Variants in ATP13A4 observed in about 807,000 individuals in gnomAD.
The protein encoded by ATP13A4 is probable cation-transporting ATPase 13A4.
Under a neutral mutation model 142.5 loss-of-function variants are expected in ATP13A4, and 114 were observed. The observed-to-expected ratio is 0.80, with a 90% CI of 0.69 to 0.93. The LOEUF (loss-of-function observed/expected upper bound fraction) is 0.93, where lower values mean the gene tolerates loss of function less well. Among genes scored for constraint, ATP13A4 ranks in the 40% least tolerant of loss-of-function variants. ATP13A4 has a pLI of 0.00. For synonymous variants in ATP13A4, 488 were observed against 514.8 expected (o/e 0.95, Z 0.70); for missense variants, 1,392 against 1,454.0 (o/e 0.96, Z 0.69).
chr3:193,439,107 T>C, intron 21 of ATP13A4, 42 bp from the exon 22 acceptor site: 1 of 1,536,474 alleles, frequency 6.5e-7, no homozygotes, highest in Non-Finnish European at 9.0e-7. Context: ...ATCAAACCTA[T>C]CTTGCTAATT....
chr3:193,445,576 G>T (rs1366274033), intron 18 of ATP13A4, among the ~76,000 whole-genome samples: 1 of 151,976 alleles, frequency 6.6e-6, no homozygotes, highest in Non-Finnish European at 1.5e-5. Context: ...GGCCAACATG[G>T]TGAAACCCTA....
chr3:193,465,941 T>G lies in ATP13A4; in HGVS notation c.1272+84A>C, dbSNP rs139404651. 72 of 1,559,388 alleles carry G rather than the reference T, an allele frequency of 4.6e-5. No individual in the cohort carries two copies. The African/African-American group carries it at 9.2e-4, about 20-fold the overall frequency. ...TTGTTTCCCAGGTTTGTAAACCACA[T>G]CCTAGGTTAAGGCCAACATGCACAG... On this transcript the variant is annotated intron_variant, in intron 11 of 29. Transcript: ENST00000342695.
chr3:193,495,675 A>G (rs1247988920), intron 3 of ATP13A4, among the ~76,000 whole-genome samples: 1 of 152,180 alleles, frequency 6.6e-6, no homozygotes, highest in Non-Finnish European at 1.5e-5. Context: ...AGAACAAGAC[A>G]GGAATGCCTG....
intron 8 of ATP13A4, among the ~76,000 whole-genome samples, chr3:193,474,335 A>C (rs1577000798): frequency 6.7e-6 from 1 of 148,300 alleles, no homozygotes; most frequent in South Asian, 2.1e-4. Context: ...AAAAAAAAAA[A>C]AAAAAAAAAA....
At chr3:193,592,083 T>C (rs914777398) in intron 1 of ATP13A4, among the ~76,000 whole-genome samples, 6 of 141,334 alleles carry the variant, frequency 4.2e-5, no homozygotes, top group Non-Finnish European at 6.1e-5. Context: ...ATTCTGACAA[T>C]TAAGGGAAAA....
At chr3:193,433,554 T>C (rs767384834) in intron 25 of ATP13A4, among the ~76,000 whole-genome samples, 7 of 152,198 alleles carry the variant, frequency 4.6e-5, no homozygotes, top group Non-Finnish European at 1.0e-4. Flanking sequence ...AAGTTAGTGT[T>C]CCTGATTTTC....
intron 25 of ATP13A4, among the ~76,000 whole-genome samples, chr3:193,430,789 A>G (rs141145205): frequency 1.5e-4 from 23 of 152,230 alleles, no homozygotes; most frequent in Admixed American, 4.6e-4. Context: ...GCCCAATCAT[A>G]TAAGACTTGA....
intron 29 of ATP13A4, among the ~76,000 whole-genome samples, chr3:193,404,522 T>C (rs1190981152): frequency 2.0e-5 from 3 of 152,214 alleles, no homozygotes; most frequent in Non-Finnish European, 4.4e-5. Flanking sequence ...GGGAGGTGAC[T>C]GGGTCGTAGG....
intron 2 of ATP13A4, among the ~76,000 whole-genome samples, chr3:193,565,645 G>C (rs967628513): frequency 3.3e-5 from 5 of 152,134 alleles, no homozygotes; most frequent in African/African-American, 9.7e-5. Flanking sequence ...CCACCCAGTG[G>C]TCCCAGTCTA....
At chr3:193,433,812 C>T (rs961934273) in intron 25 of ATP13A4, 33 bp downstream of exon 25, 7 of 1,537,118 alleles carry the variant, frequency 4.6e-6, no homozygotes, top group African/African-American at 1.4e-5. Flanking sequence ...CTGAGGGTAG[C>T]ACCTCTGGTA....
At chr3:193,559,979 C>G (rs918586432), upstream of ATP13A4, among the ~76,000 whole-genome samples, 1 of 152,090 alleles carries the variant, frequency 6.6e-6, no homozygotes, top group Non-Finnish European at 1.5e-5. Context: ...ATTTTGAGAA[C>G]TTTTAACCTA....
Position 193,471,599 on chromosome 3 carries a change from AATAG to A in ATP13A4, c.809-610_809-607del, listed in dbSNP as rs1718627208. On this transcript the variant is annotated intron_variant, in intron 8 of 29. Transcript: ENST00000342695. ...CCTGCCTCAAAAAAAAAAAAATCCT[AATAG>A]ATAAAGAGTTCCTTTTAAAAACAGA... Among the ~76,000 whole-genome samples the A allele has an allele frequency of 1.3e-4, 19 of 151,970 alleles. No homozygotes were observed. In the South Asian group the frequency reaches 4.0e-3, roughly 32 times the overall value.
In ATP13A4 at chr3:193,501,747, T is replaced by A. The variant is rs543882273; in HGVS notation, c.381+746A>T. On this transcript the variant is annotated intron_variant, in intron 3 of 29. Coordinates refer to ENST00000342695, the MANE Select transcript of ATP13A4 (RefSeq NM_032279.4). ...ATGTAAGACAAAACATTCTGTCTTA[T>A]AAAATGTTTTTAATATGAATGTTAA... 2.0e-5 allele frequency among the ~76,000 whole-genome samples: 3 copies of A among 152,258 alleles called. No individual in the cohort carries two copies. In the South Asian group the frequency reaches 6.2e-4, roughly 32 times the overall value.
chr3:193,481,225 G>A (rs115058919), intron 8 of ATP13A4, among the ~76,000 whole-genome samples: 2,171 of 152,150 alleles, frequency 0.014, 43 homozygotes, highest in African/African-American at 0.048. Context: ...CACCACGAAA[G>A]AACTTATTCA....
intron 29 of ATP13A4, chr3:193,403,909 G>C: frequency 1.0e-6 from 1 of 985,276 alleles, no homozygotes; most frequent in Non-Finnish European, 1.2e-6. Context: ...ATTCTATAAG[G>C]AACTTTGCCA....
chr3:193,501,294 G>A (rs1720525907), intron 3 of ATP13A4, among the ~76,000 whole-genome samples: 2 of 152,128 alleles, frequency 1.3e-5, no homozygotes, highest in African/African-American at 4.8e-5. Flanking sequence ...GGGCAGCTAA[G>A]ACAGCTGAGT....
intron 13 of ATP13A4, among the ~76,000 whole-genome samples, chr3:193,459,519 C>T (rs963853487): frequency 2.6e-5 from 4 of 152,140 alleles, no homozygotes; most frequent in Admixed American, 6.5e-5. Context: ...TTCATTGCAA[C>T]CTCTGCCTCC....
At chr3:193,425,643 T>C (rs1162785863) in intron 25 of ATP13A4, among the ~76,000 whole-genome samples, 1 of 151,776 alleles carries the variant, frequency 6.6e-6, no homozygotes, top group Non-Finnish European at 1.5e-5. Context: ...CACTCATTTG[T>C]AGAATCAAAA....
intron 29 of ATP13A4, 94 bp from the exon 30 acceptor site, chr3:193,402,958 T>A: frequency 8.9e-7 from 1 of 1,118,236 alleles, no homozygotes. Flanking sequence ...ACTGCAATGG[T>A]TGCTTAGATC....
Sources: gnomAD v4.1 joint callset for allele counts (sites outside exome capture counted in the v4.1 genomes callset) on GRCh38, gnomAD v4.1.1 for gene constraint, MANE v1.5 for transcripts, NCBI Gene and HGNC (gene_info 2026-07-23, HGNC 2026-07-21) for gene names.